ZNF391: variants seen among roughly 807,000 people sequenced by gnomAD.
ZNF391 encodes zinc finger protein 391.
For synonymous variants in ZNF391, 126 were observed against 142.1 expected, an observed-to-expected ratio of 0.89 and a Z score of 0.80; for missense variants, 375 against 425.5, an observed-to-expected ratio of 0.88 and a Z score of 1.04.
intron 2 of ZNF391, among the ~76,000 whole-genome samples, 178 bp from the exon 3 acceptor site, chr6:27,400,115 A>G (rs1036079979): frequency 2.9e-4 from 44 of 152,334 alleles, no homozygotes; most frequent in Admixed American, 2.0e-3. Context: ...GCCCACTGCA[A>G]AAATTCTGCC....
chr6:27,384,798 A>C (rs1761561964), upstream of ZNF391, among the ~76,000 whole-genome samples: 1 of 152,100 alleles, frequency 6.6e-6, no homozygotes, highest in African/African-American at 2.4e-5. Context: ...CAGGCAGACC[A>C]CCTGAGGTCA....
chr6:27,391,805 T>A (rs7754411), intron 1 of ZNF391, among the ~76,000 whole-genome samples: 107,444 of 152,062 alleles, frequency 0.71, 38,198 homozygotes, highest in Middle Eastern at 0.8. Context: ...TGACTGTCCT[T>A]AATATCTTCA....
Position 27,400,491 on chromosome 6 carries a change from A to G in ZNF391, c.121A>G (p.Thr41Ala), listed in dbSNP as rs1761924167. ...PAQKKSSFEN[T>A]VVRKVSVTLK... ...ACAGAAGAAATCCTCTTTTGAGAAC[A>G]CAGTGGTCAGAAAAGTGTCAGTGAC... is the stretch of plus-strand genomic sequence containing the variant. Residue 41 changes from threonine to alanine, a missense_variant, in exon 3 of 3, where the codon ACA becomes GCA. Coordinates refer to ENST00000244576, the MANE Select transcript of ZNF391 (RefSeq NM_001076781.3). 6.2e-7 allele frequency: 1 copy of G among 1,614,240 alleles called. No homozygotes were observed. The highest frequency in any genetic ancestry group is 1.7e-5 in the Admixed American group (1 of 60,030).
At position 27,400,709 on chromosome 6, in the gene ZNF391, A is replaced by G. The variant is rs555938296; in HGVS notation, c.339A>G (p.Glu113=). ...FSQRKPCKCN[E]CEKAFSYQSD... ...AAAGAAAACCTTGTAAATGCAATGA[A>G]TGTGAAAAAGCCTTTAGTTACCAAT... Residue 113 remains glutamate, a synonymous_variant, in exon 3 of 3, where the codon GAA becomes GAG. Transcript: ENST00000244576. 19 of 1,613,908 alleles carry G rather than the reference A, an allele frequency of 1.2e-5. 1 individual carries two copies. In the South Asian group the frequency reaches 1.9e-4, roughly 16 times the overall value.
At chr6:27,378,161 C>T (rs978008237) in intron 1 of ZNF391, among the ~76,000 whole-genome samples, 1 of 152,032 alleles carries the variant, frequency 6.6e-6, no homozygotes, top group Non-Finnish European at 1.5e-5. Flanking sequence ...TGGGTTTTAA[C>T]GAATATATGT....
intron 1 of ZNF391, among the ~76,000 whole-genome samples, chr6:27,396,593 G>A (rs1005128366): frequency 1.3e-5 from 2 of 152,108 alleles, no homozygotes; most frequent in Admixed American, 6.6e-5. Flanking sequence ...ATACATGGTG[G>A]TGTGTGCCTG....
chr6:27,389,813 C>G (rs538130069), intron 1 of ZNF391, among the ~76,000 whole-genome samples: 9 of 81,480 alleles, frequency 1.1e-4, no homozygotes, highest in South Asian at 8.3e-4. Context: ...CCCCTCCCCC[C>G]CAAAAAAGAG....
chr6:27,394,083 A>G (rs75304854), intron 1 of ZNF391, among the ~76,000 whole-genome samples: 1 of 152,260 alleles, frequency 6.6e-6, no homozygotes, highest in Admixed American at 6.5e-5. Flanking sequence ...AGAAAAAAAA[A>G]GCTTTTTCAG....
chr6:27,391,273 T>A (rs1330219081), intron 1 of ZNF391: 7 of 148,814 alleles, frequency 4.7e-5, no homozygotes, highest in African/African-American at 1.5e-4. Flanking sequence ...GGTACTATCT[T>A]GGCTCACTGC....
chr6:27,388,771 GT>G lies in ZNF391; in HGVS notation c.-488del. ...GTTGCTCAGTCTCAGTGTGGTCTCT[GT>G]TTTGCAACTGGTCGTCCGCGTCAGG... On this transcript the variant is annotated 5_prime_UTR_variant, in exon 1 of 3. Coordinates refer to ENST00000244576, the MANE Select transcript of ZNF391 (RefSeq NM_001076781.3). The G allele has an allele frequency of 2.4e-6, 1 of 408,582 alleles. No individual in the cohort carries two copies. The highest frequency in any genetic ancestry group is 1.7e-5 in the South Asian group (1 of 57,314). 25.3% of individuals were successfully genotyped at this position (408,582 alleles called of 1,614,324 possible).
intron 1 of ZNF391, among the ~76,000 whole-genome samples, chr6:27,381,573 C>T (rs1053858735): frequency 2.4e-4 from 37 of 152,168 alleles, no homozygotes; most frequent in African/African-American, 8.0e-4. Context: ...GAGGAGGCGC[C>T]GAGAGCGAGC....
chr6:27,387,700 A>G (rs1014117111), upstream of ZNF391, among the ~76,000 whole-genome samples: 1 of 152,216 alleles, frequency 6.6e-6, no homozygotes, highest in Non-Finnish European at 1.5e-5. Context: ...TCATAGAAAC[A>G]TAGTGTAAAA....
rs767725035 is a variant in ZNF391 at position 27,401,190 on chromosome 6, GA to G, written c.821del (p.Glu274GlyfsTer75). On this transcript the variant is annotated frameshift_variant, in exon 3 of 3. Coordinates refer to ENST00000244576, the MANE Select transcript of ZNF391 (RefSeq NM_001076781.3). LOFTEE classifies it low-confidence loss of function (END_TRUNC). ...LTEHQRTHTG[E>X]NPYECSECGK... The stretch of plus-strand genomic sequence containing the variant: ...TGAACATCAGAGAACACACACTGGG[GA>G]GAACCCCTATGAGTGCAGTGAATGT... 4 of 1,614,200 alleles carry G rather than the reference GA, an allele frequency of 2.5e-6. No homozygotes were observed. Among genetic ancestry groups the G allele is most frequent in the Non-Finnish European group, 3.4e-6 (4 of 1,180,020 alleles).
intron 1 of ZNF391, among the ~76,000 whole-genome samples, chr6:27,399,184 T>C (rs1028591397): frequency 1.1e-4 from 16 of 152,324 alleles, no homozygotes; most frequent in Admixed American, 9.8e-4. Context: ...AAGGTTCAGA[T>C]ATCTGGAGTA....
intron 1 of ZNF391, among the ~76,000 whole-genome samples, chr6:27,391,776 C>T (rs1761720381): frequency 6.6e-6 from 1 of 152,190 alleles, no homozygotes; most frequent in Non-Finnish European, 1.5e-5. Flanking sequence ...GCCAAGGGGA[C>T]TATTCTTCAT....
In ZNF391 at chr6:27,401,210, T is replaced by G. The variant is rs185564061; in HGVS notation, c.840T>G (p.Ser280Arg). ...CTGGGGAGAACCCCTATGAGTGCAG[T>G]GAATGTGGGAAAGTGTTCAGTCGAA... is the stretch of plus-strand genomic sequence containing the variant. ...THTGENPYEC[S>R]ECGKVFSRSS... The change falls in exon 3 of 3, where the codon AGT (serine) becomes AGG (arginine). Residue 280 changes from serine to arginine, a missense_variant. Ser to Arg is a moderately radical substitution (Grantham distance 110). Coordinates refer to ENST00000244576, the MANE Select transcript of ZNF391 (RefSeq NM_001076781.3). The G allele has an allele frequency of 6.2e-7, 1 of 1,614,116 alleles. No homozygotes were observed. The highest frequency in any genetic ancestry group is 2.2e-5 in the East Asian group (1 of 44,880).
Position 27,401,064 on chromosome 6 carries a change from G to A in ZNF391, c.694G>A (p.Asp232Asn). ...TAATGAATGTGGGAAAGCCTTCGGT[G>A]ACCGTTCAACCATAATTCAGCATCA... ...KCNECGKAFG[D>N]RSTIIQHQRI... is the part of the protein sequence containing the mutation. Residue 232 changes from aspartate to asparagine, a missense_variant, in exon 3 of 3, where the codon GAC becomes AAC. Transcript: ENST00000244576. 6.2e-7 allele frequency: 1 copy of A among 1,614,092 alleles called. No homozygotes were observed. Among genetic ancestry groups the A allele is most frequent in the South Asian group, 1.1e-5 (1 of 91,074 alleles).
At chr6:27,392,060 C>T (rs965718223) in intron 1 of ZNF391, among the ~76,000 whole-genome samples, 1 of 152,162 alleles carries the variant, frequency 6.6e-6, no homozygotes, top group Non-Finnish European at 1.5e-5. Context: ...TCAAGTCCAG[C>T]ATCTTCATTT....
At chr6:27,396,373 A>G (rs945836609) in intron 1 of ZNF391, among the ~76,000 whole-genome samples, 4 of 152,120 alleles carry the variant, frequency 2.6e-5, no homozygotes, top group African/African-American at 2.4e-5. Context: ...ATCTAATACC[A>G]TAAGTGGTTT....
Sources: allele counts gnomAD v4.1 joint callset (sites outside exome capture counted in the v4.1 genomes callset), GRCh38; gene constraint gnomAD v4.1.1; transcripts MANE v1.5; gene names NCBI Gene and HGNC (gene_info 2026-07-23, HGNC 2026-07-21).